Variants in EPS15 observed in about 807,000 individuals in gnomAD.
EPS15 encodes epidermal growth factor receptor substrate 15.
EPS15 carries 72 observed loss-of-function variants against 113.8 expected under a neutral mutation model. The observed-to-expected ratio is 0.63, with a 90% CI of 0.52 to 0.77. The LOEUF (loss-of-function observed/expected upper bound fraction) is 0.77. Among genes scored for constraint, EPS15 ranks in the 30% least tolerant of loss-of-function variants. The pLI, the probability that EPS15 is intolerant of heterozygous loss-of-function variation, is 0.00. For missense variants in EPS15, 1,048 were observed against 1,045.8 expected (o/e 1.00, Z -0.03); for synonymous variants, 344 against 363.4 (o/e 0.95, Z 0.61).
intron 13 of EPS15, among the ~76,000 whole-genome samples, chr1:51,415,664 C>A (rs765567433): frequency 6.6e-6 from 1 of 151,498 alleles, no homozygotes; most frequent in Admixed American, 6.6e-5. Context: ...GGCGTGGTGG[C>A]GGATGCCTGT....
chr1:51,468,603 T>G (rs1655019250), intron 4 of EPS15, 35 bp from the exon 5 acceptor site: 2 of 1,384,368 alleles, frequency 1.4e-6, no homozygotes, highest in Non-Finnish European at 2.0e-6. Context: ...AAGAGCATTC[T>G]CCCTCTACCA....
At chr1:51,489,286 C>CATATAT (rs71063034) in intron 1 of EPS15, among the ~76,000 whole-genome samples, 69 of 141,736 alleles carry the variant, frequency 4.9e-4, no homozygotes, top group South Asian at 1.6e-3. Context: ...CCTAGTATAC[C>CATATAT]ATATATATAT....
chr1:51,497,795 G>C (rs1018845632), intron 1 of EPS15, among the ~76,000 whole-genome samples: 1 of 152,032 alleles, frequency 6.6e-6, no homozygotes, highest in African/African-American at 2.4e-5. Context: ...TGGCCAACAT[G>C]GTGAAACACC....
At chr1:51,506,488 C>G (rs1644501035) in intron 1 of EPS15, among the ~76,000 whole-genome samples, 1 of 151,968 alleles carries the variant, frequency 6.6e-6, no homozygotes, top group African/African-American at 2.4e-5. Flanking sequence ...CATTTAAAAA[C>G]AGATTGCAAA....
chr1:51,468,501 A>C lies in EPS15; in HGVS notation c.281T>G (p.Leu94Trp). The change falls in exon 5 of 25, where the codon TTG becomes TGG. Residue 94 changes from leucine to tryptophan, a missense_variant. Transcript: ENST00000371733. ...TCTTGGTGGAGGAACAGCCAGGTTC[A>C]AACTACTTAGTGAAACTTCCAATCC... Reference protein sequence around the residue: ...QNGLEVSLSSLNLAVPPPRFH... With the variant: ...QNGLEVSLSSWNLAVPPPRFH... The C allele has an allele frequency of 1.9e-6, 3 of 1,612,972 alleles. No individual in the cohort carries two copies. The highest frequency in any genetic ancestry group is 2.5e-6 in the Non-Finnish European group (3 of 1,178,896).
intron 8 of EPS15, among the ~76,000 whole-genome samples, chr1:51,450,373 T>A (rs1276773970): frequency 6.6e-6 from 1 of 151,780 alleles, no homozygotes; most frequent in Non-Finnish European, 1.5e-5. Context: ...AGCATCTGCC[T>A]CTCATGAGGC....
Position 51,427,410 on chromosome 1 carries a change from T to G in EPS15, c.1041-5552A>C, listed in dbSNP as rs973452451. ...AACCAGTGAGATAGGCACCTGTCAT[T>G]AAGAAGCTCTTAATTCAGTGTATGT... On this transcript the variant is annotated intron_variant, in intron 12 of 24. Coordinates refer to ENST00000371733, the MANE Select transcript of EPS15 (RefSeq NM_001981.3). 1.1e-4 allele frequency among the ~76,000 whole-genome samples: 17 copies of G among 152,318 alleles called. No homozygotes were observed. In the South Asian group the frequency reaches 1.4e-3, roughly 13 times the overall value.
intron 18 of EPS15, 75 bp downstream of exon 18, chr1:51,402,360 C>T: frequency 1.4e-6 from 1 of 736,108 alleles, no homozygotes; most frequent in Non-Finnish European, 2.2e-6. Context: ...GAAACTGAAG[C>T]CTTGAATCCT....
At chr1:51,384,428 G>C (rs1250755987) in intron 21 of EPS15, among the ~76,000 whole-genome samples, 1 of 149,944 alleles carries the variant, frequency 6.7e-6, no homozygotes, top group Non-Finnish European at 1.5e-5. Context: ...AGCTTCCCAA[G>C]TAGCTGGGAG....
At chr1:51,401,973 C>A (rs970300353) in intron 18 of EPS15, among the ~76,000 whole-genome samples, 3 of 152,200 alleles carry the variant, frequency 2.0e-5, no homozygotes, top group Non-Finnish European at 4.4e-5. Flanking sequence ...CCCGCCTCTA[C>A]TAAAAACACA....
chr1:51,422,458 T>C (rs1163687612), intron 12 of EPS15, among the ~76,000 whole-genome samples: 1 of 152,202 alleles, frequency 6.6e-6, no homozygotes, highest in East Asian at 1.9e-4. Flanking sequence ...TCAAATCCAA[T>C]TGATCAAATA....
At chr1:51,421,447 GATCTCACTCTA>G (rs914420258) in intron 13 of EPS15, among the ~76,000 whole-genome samples, 12 of 152,150 alleles carry the variant, frequency 7.9e-5, no homozygotes, top group Middle Eastern at 3.4e-3. Context: ...ATGAGATGAT[GATCTCACTCTA>G]ATTTTACTGG....
chr1:51,388,255 A>ATCT (rs1386831920), intron 21 of EPS15, among the ~76,000 whole-genome samples: 1 of 152,222 alleles, frequency 6.6e-6, no homozygotes, highest in Non-Finnish European at 1.5e-5. Context: ...AGAAATAAAG[A>ATCT]TCTTCTTTGA....
intron 1 of EPS15, among the ~76,000 whole-genome samples, chr1:51,498,433 G>A (rs1178652957): frequency 3.3e-5 from 5 of 152,094 alleles, no homozygotes; most frequent in Admixed American, 3.3e-4. Flanking sequence ...TACAACCATT[G>A]TTTTTCACTT....
At chr1:51,481,915 A>G (rs534100766) in intron 1 of EPS15, among the ~76,000 whole-genome samples, 1 of 152,332 alleles carries the variant, frequency 6.6e-6, no homozygotes, top group East Asian at 1.9e-4. Context: ...CACACCAGTA[A>G]TCTCAGCACT....
intron 1 of EPS15, among the ~76,000 whole-genome samples, chr1:51,516,997 CG>C (rs1557545544): frequency 6.6e-6 from 1 of 151,952 alleles, no homozygotes; most frequent in East Asian, 1.9e-4. Context: ...GGATGACAAA[CG>C]GGTCAGTAAT....
intron 21 of EPS15, among the ~76,000 whole-genome samples, chr1:51,374,008 T>C (rs1314378138): frequency 6.6e-6 from 1 of 152,142 alleles, no homozygotes; most frequent in African/African-American, 2.4e-5. Flanking sequence ...CTGGAAATGA[T>C]GAAAATTAAG....
At chr1:51,357,992 G>A (rs928833451) in intron 24 of EPS15, among the ~76,000 whole-genome samples, 8 of 152,028 alleles carry the variant, frequency 5.3e-5, no homozygotes, top group Non-Finnish European at 8.8e-5. Flanking sequence ...GCCCATCTCG[G>A]CCTCCCAAGA....
chr1:51,422,042 T>C (rs1570268576), intron 12 of EPS15, 184 bp from the exon 13 acceptor site: 9 of 1,258,938 alleles, frequency 7.1e-6, no homozygotes, highest in Non-Finnish European at 9.1e-6. Flanking sequence ...ATAAGCTCCA[T>C]TTGTAAAAAA....
Sources: gnomAD v4.1 joint callset for allele counts (sites outside exome capture counted in the v4.1 genomes callset) on GRCh38, gnomAD v4.1.1 for gene constraint, MANE v1.5 for transcripts, NCBI Gene and HGNC (gene_info 2026-07-23, HGNC 2026-07-21) for gene names.